The following PDZRN4 variants were observed in gnomAD, a reference collection of about 807,000 sequenced individuals.
PDZRN4 encodes PDZ domain containing ring finger 4, also known as PDZ domain-containing RING finger protein 4.
Under a neutral mutation model 99.0 loss-of-function variants are expected in PDZRN4, and 70 were observed. The ratio of observed to expected loss-of-function variants is 0.71; its 90% CI spans 0.58 to 0.86. The LOEUF is 0.86. Ranked by LOEUF, PDZRN4 falls within the 40% of genes least tolerant of loss-of-function variation. The pLI is 0.00. For missense variants in PDZRN4, 1,474 were observed against 1,331.2 expected (o/e 1.11, Z -1.67); for synonymous variants, 551 against 501.6 (o/e 1.10, Z -1.32).
At chr12:41,562,626 A>G (rs1436299322) in intron 7 of PDZRN4, among the ~76,000 whole-genome samples, 2 of 152,150 alleles carry the variant, frequency 1.3e-5, no homozygotes, top group Non-Finnish European at 2.9e-5. Flanking sequence ...GAAAATAATT[A>G]TTAAATATCC....
chr12:41,534,468 C>G (rs888359457), intron 5 of PDZRN4, among the ~76,000 whole-genome samples: 1 of 152,056 alleles, frequency 6.6e-6, no homozygotes, highest in African/African-American at 2.4e-5. Flanking sequence ...CTCACAGGCT[C>G]TAGTGTGTGT....
At chr12:41,222,317 C>A (rs1950960790) in intron 3 of PDZRN4, among the ~76,000 whole-genome samples, 1 of 152,136 alleles carries the variant, frequency 6.6e-6, no homozygotes, top group Middle Eastern at 3.2e-3. Context: ...TCCTTTTCGG[C>A]ATTTCTTTTC....
intron 3 of PDZRN4, among the ~76,000 whole-genome samples, chr12:41,406,858 CAAAAAAAAAA>C (rs758320141): frequency 2.1e-5 from 1 of 46,926 alleles, no homozygotes; most frequent in African/African-American, 6.7e-5. Context: ...AACTCCGTCT[CAAAAAAAAAA>C]AAAAAAAAAA....
chr12:41,310,891 A>AG (rs1417651959), intron 3 of PDZRN4, among the ~76,000 whole-genome samples: 1 of 152,154 alleles, frequency 6.6e-6, no homozygotes, highest in Non-Finnish European at 1.5e-5. Flanking sequence ...AAGTTCACAT[A>AG]GGATTAAGGG....
At chr12:41,440,043 G>C (rs1255289409) in intron 3 of PDZRN4, among the ~76,000 whole-genome samples, 2 of 152,146 alleles carry the variant, frequency 1.3e-5, no homozygotes, top group Non-Finnish European at 2.9e-5. Context: ...GAGCACACAT[G>C]AAAGTGAACA....
intron 8 of PDZRN4, among the ~76,000 whole-genome samples, chr12:41,565,042 C>G (rs1321799096): frequency 6.6e-6 from 1 of 152,034 alleles, no homozygotes; most frequent in Admixed American, 6.6e-5. Context: ...CCATAATGGG[C>G]TGTAGAAATA....
At chr12:41,242,498 A>T (rs1951107483) in intron 3 of PDZRN4, among the ~76,000 whole-genome samples, 1 of 152,218 alleles carries the variant, frequency 6.6e-6, no homozygotes, top group African/African-American at 2.4e-5. Context: ...ACAATCTCTG[A>T]TGGAAGCACT....
At position 41,341,165 on chromosome 12, in the gene PDZRN4, T is replaced by TAA. The variant is rs36109178; in HGVS notation, c.843+146988_843+146989dup. On this transcript the variant is annotated intron_variant, in intron 3 of 9. Transcript: ENST00000402685. Reference sequence around the variant, plus strand: ...GACAACGTTCAACATCCTTTCATGATAAAAAAAAAAAACTCTTAAAAAATT... The same window carrying TAA: ...GACAACGTTCAACATCCTTTCATGATAAAAAAAAAAAAAACTCTTAAAAAATT... Among the ~76,000 whole-genome samples the TAA allele has an allele frequency of 2.8e-3, 414 of 148,856 alleles. 2 individuals carry two copies. Among genetic ancestry groups the TAA allele is most frequent in the Middle Eastern group, 6.8e-3 (2 of 292 alleles).
At chr12:41,338,780 G>A (rs991389047) in intron 3 of PDZRN4, among the ~76,000 whole-genome samples, 14 of 151,822 alleles carry the variant, frequency 9.2e-5, no homozygotes, top group Admixed American at 4.6e-4. Context: ...TGAACCAACC[G>A]ATCACAAGTG....
intron 5 of PDZRN4, among the ~76,000 whole-genome samples, chr12:41,551,942 T>C (rs1939064482): frequency 6.6e-6 from 1 of 152,206 alleles, no homozygotes; most frequent in South Asian, 2.1e-4. Context: ...TTAATATACA[T>C]TACCTGAGGA....
At chr12:41,389,510 A>G (rs796830736) in intron 3 of PDZRN4, among the ~76,000 whole-genome samples, 15 of 152,334 alleles carry the variant, frequency 9.8e-5, no homozygotes, top group African/African-American at 3.1e-4. Flanking sequence ...TTCCTGGACC[A>G]GTCATCTACT....
intron 3 of PDZRN4, among the ~76,000 whole-genome samples, chr12:41,420,950 T>A (rs1047724120): frequency 9.9e-5 from 15 of 152,116 alleles, no homozygotes; most frequent in Admixed American, 2.6e-4. Context: ...TCACGGTACG[T>A]CTTCCTCCTG....
At chr12:41,386,575 T>C (rs373884064) in intron 3 of PDZRN4, among the ~76,000 whole-genome samples, 2 of 152,196 alleles carry the variant, frequency 1.3e-5, no homozygotes, top group South Asian at 4.1e-4. Flanking sequence ...TTCAATGCTA[T>C]ACCTATTAAA....
At chr12:41,483,683 G>C (rs569012368) in intron 3 of PDZRN4, among the ~76,000 whole-genome samples, 1 of 152,262 alleles carries the variant, frequency 6.6e-6, no homozygotes, top group South Asian at 2.1e-4. Context: ...TAACAACACA[G>C]TGACAATTAA....
chr12:41,356,775 C>A (rs1951930690), intron 3 of PDZRN4, among the ~76,000 whole-genome samples: 1 of 151,944 alleles, frequency 6.6e-6, no homozygotes, highest in Non-Finnish European at 1.5e-5. Context: ...GGATCTGACA[C>A]CATCACTGAG....
intron 3 of PDZRN4, among the ~76,000 whole-genome samples, chr12:41,233,682 G>T (rs1951045742): frequency 6.6e-6 from 1 of 151,796 alleles, no homozygotes; most frequent in Non-Finnish European, 1.5e-5. Context: ...GCAAACTATT[G>T]CAAGGACAAA....
chr12:41,230,202 G>A (rs1217787321), intron 3 of PDZRN4, among the ~76,000 whole-genome samples: 3 of 151,866 alleles, frequency 2.0e-5, no homozygotes, highest in African/African-American at 7.3e-5. Flanking sequence ...GAGTACACAC[G>A]CTCTTTAGGT....
chr12:41,217,992 C>T (rs369752861), intron 3 of PDZRN4, among the ~76,000 whole-genome samples: 3 of 152,062 alleles, frequency 2.0e-5, no homozygotes, highest in Admixed American at 1.3e-4. Context: ...TAGCAGAAGG[C>T]CAAAAGGCTG....
chr12:41,528,443 A>T (rs1336863436), intron 5 of PDZRN4, among the ~76,000 whole-genome samples: 1 of 152,218 alleles, frequency 6.6e-6, no homozygotes, highest in Non-Finnish European at 1.5e-5. Flanking sequence ...ATATGAACAC[A>T]TTGCTTGTAA....
Sources: allele counts gnomAD v4.1 joint callset (sites outside exome capture counted in the v4.1 genomes callset), GRCh38; gene constraint gnomAD v4.1.1; transcripts MANE v1.5; gene names NCBI Gene and HGNC (gene_info 2026-07-23, HGNC 2026-07-21).